ZBTB16: variants seen among roughly 807,000 people sequenced by gnomAD.
ZBTB16 encodes the protein zinc finger and BTB domain containing 16.
In ZBTB16, 8 loss-of-function variants were observed where a neutral mutation model predicts 56.8. The ratio of observed to expected loss-of-function variants is 0.14; its 90% CI spans 0.08 to 0.25. ZBTB16 has a LOEUF of 0.25. ZBTB16 is among the 10% of genes least tolerant of loss of function. The pLI is 1.00. For missense variants in ZBTB16, 625 were observed against 903.0 expected (o/e 0.69, Z 3.95); for synonymous variants, 363 against 368.5 (o/e 0.98, Z 0.17).
At chr11:114,139,626 C>CGTGTGTGTGTGTGTGTGTGT (rs750514241) in intron 2 of ZBTB16, among the ~76,000 whole-genome samples, 2 of 138,640 alleles carry the variant, frequency 1.4e-5, no homozygotes, top group African/African-American at 5.6e-5. Flanking sequence ...CCGCGGTCCA[C>CGTGTGTGTGTGTGTGTGTGT]GTGTGTGTGT....
At chr11:114,208,222 C>T (rs1193127673) in intron 4 of ZBTB16, among the ~76,000 whole-genome samples, 1 of 152,174 alleles carries the variant, frequency 6.6e-6, no homozygotes, top group Non-Finnish European at 1.5e-5. Context: ...GGGACTTGGG[C>T]CTTTCTACTG....
At chr11:114,249,754 A>T (rs1316229683) in intron 6 of ZBTB16, among the ~76,000 whole-genome samples, 1 of 108,940 alleles carries the variant, frequency 9.2e-6, no homozygotes. Flanking sequence ...CCTGGGCGAC[A>T]CAGCGAGACT....
At chr11:114,072,660 C>T (rs1307085667) in intron 2 of ZBTB16, among the ~76,000 whole-genome samples, 1 of 152,162 alleles carries the variant, frequency 6.6e-6, no homozygotes, top group African/African-American at 2.4e-5. Flanking sequence ...CAGCCAGCAT[C>T]TCTGTAAGAC....
Position 114,063,705 on chromosome 11 carries a change from C to A in ZBTB16, c.405C>A (p.Ala135=). 6.2e-7 allele frequency: 1 copy of A among 1,614,080 alleles called. No homozygotes were observed. Among genetic ancestry groups the A allele is most frequent in the East Asian group, 2.2e-5 (1 of 44,876 alleles). Residue 135 remains alanine (A), a synonymous_variant, in exon 2 of 7, where the codon GCC becomes GCA. Transcript: ENST00000335953. This position sits in a 1 kb window ranked among gnomAD's most constrained non-coding sequence, Gnocchi z 6.5. ...IQASDDNDTE[A]TMADGGAEEE... ...CCTCAGACGACAATGACACGGAGGC[C>A]ACCATGGCCGATGGCGGGGCCGAGG...
At chr11:114,061,275 GGA>G in intron 1 of ZBTB16, 1 of 152,214 alleles carries the variant, frequency 6.6e-6, no homozygotes, top group African/African-American at 2.4e-5. Context: ...GGCGGGTGGG[GGA>G]GACGGCTGCC....
intron 3 of ZBTB16, among the ~76,000 whole-genome samples, chr11:114,178,357 T>C (rs1482759400): frequency 6.6e-6 from 1 of 152,206 alleles, no homozygotes; most frequent in East Asian, 1.9e-4. Flanking sequence ...CAACCAACCC[T>C]GTGGCATAAA....
At chr11:114,099,018 A>G (rs990546882) in intron 2 of ZBTB16, among the ~76,000 whole-genome samples, 1 of 152,206 alleles carries the variant, frequency 6.6e-6, no homozygotes, top group African/African-American at 2.4e-5. Flanking sequence ...TAAATTACAT[A>G]TTAAAGTAGC....
intron 2 of ZBTB16, among the ~76,000 whole-genome samples, chr11:114,122,479 A>G (rs767864827): frequency 3.3e-5 from 5 of 152,180 alleles, no homozygotes; most frequent in African/African-American, 7.2e-5. Context: ...GGTGGAAAGT[A>G]AAATAACCAA....
intron 4 of ZBTB16, among the ~76,000 whole-genome samples, chr11:114,223,723 G>A (rs1249696369): frequency 2.0e-5 from 3 of 152,138 alleles, no homozygotes; most frequent in Non-Finnish European, 4.4e-5. Context: ...GATAAATATT[G>A]TTATATTGGA....
In ZBTB16 at chr11:114,149,559, A is replaced by G. The variant is rs180976684; in HGVS notation, c.1269-6778A>G. Among the ~76,000 whole-genome samples, 348 of 152,294 alleles carry G rather than the reference A, an allele frequency of 2.3e-3. 2 individuals are homozygous for G. Among genetic ancestry groups the G allele is most frequent in the Middle Eastern group, 0.014 (4 of 294 alleles). On this transcript the variant is annotated intron_variant, in intron 2 of 6. Coordinates refer to ENST00000335953, the MANE Select transcript of ZBTB16 (RefSeq NM_006006.6). Reference sequence around the variant, plus strand: ...TTTGAAATCCTTGGCTTTTATTGGTATATTTACTTTATGGCATACATAAAG... The same window carrying G: ...TTTGAAATCCTTGGCTTTTATTGGTGTATTTACTTTATGGCATACATAAAG...
rs1390497722 is a variant in ZBTB16 at position 114,250,012 on chromosome 11, C to T, written c.1793-314C>T. On this transcript the variant is annotated intron_variant, in intron 6 of 6. Coordinates refer to ENST00000335953, the MANE Select transcript of ZBTB16 (RefSeq NM_006006.6). This position sits in a 1 kb window ranked among gnomAD's most constrained non-coding sequence, Gnocchi z 6.0. ...TAATTAGAAAGGGAAAAGACTGTGG[C>T]CTTGGGAGAGTTAAGAATAGTAAGA... 6.6e-6 allele frequency among the ~76,000 whole-genome samples: 1 copy of T among 152,118 alleles called. No individual in the cohort carries two copies.
At chr11:114,170,148 A>G (rs571931330) in intron 3 of ZBTB16, among the ~76,000 whole-genome samples, 2 of 152,350 alleles carry the variant, frequency 1.3e-5, no homozygotes, top group Non-Finnish European at 2.9e-5. Flanking sequence ...TGTGAAAGCA[A>G]GGCTTAAAAT....
chr11:114,156,453 G>A lies in ZBTB16; in HGVS notation c.1366+19G>A. 1 of 1,612,614 alleles carries A rather than the reference G, an allele frequency of 6.2e-7. No homozygotes were observed. On this transcript the variant is annotated intron_variant, in intron 3 of 6. Coordinates refer to ENST00000335953, the MANE Select transcript of ZBTB16 (RefSeq NM_006006.6). ...CATTCAGGTAGGCAAGTTCGCCTTA[G>A]TGGCCCGTTCAGATACAGGCAACCA...
chr11:114,214,458 A>G (rs1229158566), intron 4 of ZBTB16, among the ~76,000 whole-genome samples: 1 of 152,128 alleles, frequency 6.6e-6, no homozygotes, highest in African/African-American at 2.4e-5. Flanking sequence ...AGCTAAGTTT[A>G]TTATTTAGTT....
chr11:114,107,433 GT>G (rs1004979846), intron 2 of ZBTB16, among the ~76,000 whole-genome samples: 31 of 152,174 alleles, frequency 2.0e-4, no homozygotes, highest in African/African-American at 7.5e-4. Context: ...GAAATGCTTG[GT>G]TGTCTAGAGT....
intron 5 of ZBTB16, chr11:114,246,994 TG>T: frequency 1.5e-6 from 1 of 663,942 alleles, no homozygotes; most frequent in Non-Finnish European, 2.6e-6. Context: ...CAGATGATCA[TG>T]GGGCCACAGT....
intron 2 of ZBTB16, among the ~76,000 whole-genome samples, chr11:114,089,575 G>T (rs1295479122): frequency 6.6e-6 from 1 of 152,176 alleles, no homozygotes; most frequent in Non-Finnish European, 1.5e-5. Flanking sequence ...CAGAATATCA[G>T]TCCTCTCCAG....
At chr11:114,071,086 G>T (rs1304842319) in intron 2 of ZBTB16, among the ~76,000 whole-genome samples, 1 of 152,066 alleles carries the variant, frequency 6.6e-6, no homozygotes, top group African/African-American at 2.4e-5. Flanking sequence ...GCTCTTTCTG[G>T]ATTGTTGCGC....
chr11:114,089,927 C>T (rs1320688139), intron 2 of ZBTB16, among the ~76,000 whole-genome samples: 1 of 152,220 alleles, frequency 6.6e-6, no homozygotes, highest in Non-Finnish European at 1.5e-5. Context: ...TGCAGCCTCC[C>T]TGGGGCAGCC....
Sources: gnomAD v4.1 joint callset for allele counts (sites outside exome capture counted in the v4.1 genomes callset) on GRCh38, gnomAD v4.1.1 for gene constraint, Gnocchi (gnomAD v3.1) non-coding constraint, MANE v1.5 for transcripts, NCBI Gene and HGNC (gene_info 2026-07-23, HGNC 2026-07-21) for gene names.